ASIC2: variants seen among roughly 807,000 people sequenced by gnomAD.
ASIC2 encodes the protein acid-sensing ion channel 2.
A neutral mutation model predicts 57.3 loss-of-function variants in ASIC2; 25 were observed. The ratio of observed to expected loss-of-function variants is 0.44; its 90% confidence interval spans 0.32 to 0.61. ASIC2 has a LOEUF of 0.61. ASIC2 is among the 20% of genes least tolerant of loss of function. The pLI is 0.06. For synonymous variants in ASIC2, 319 were observed against 307.5 expected, an observed-to-expected ratio of 1.04 and a Z score of -0.39; for missense variants, 641 against 738.1, an observed-to-expected ratio of 0.87 and a Z score of 1.52.
chr17:33,320,386 G>C (rs930525013), intron 1 of ASIC2, among the ~76,000 whole-genome samples: 1 of 152,066 alleles, frequency 6.6e-6, no homozygotes, highest in Non-Finnish European at 1.5e-5. Flanking sequence ...GATAGCTCTT[G>C]GTGCCTCACT....
intron 1 of ASIC2, among the ~76,000 whole-genome samples, chr17:33,796,980 CA>C (rs1252479863): frequency 2.6e-5 from 4 of 152,066 alleles, no homozygotes; most frequent in South Asian, 2.1e-4. Flanking sequence ...AAGAACCATG[CA>C]GTAGGTGAGC....
intron 1 of ASIC2, among the ~76,000 whole-genome samples, chr17:33,370,653 G>T (rs1453691083): frequency 1.8e-4 from 27 of 152,232 alleles, no homozygotes; most frequent in Admixed American, 1.8e-3. Context: ...CAAATTCTTT[G>T]ATTAGCATTG....
chr17:33,250,018 G>A (rs1033568833), intron 1 of ASIC2, among the ~76,000 whole-genome samples: 1 of 152,156 alleles, frequency 6.6e-6, no homozygotes. Context: ...GGGAATCAGG[G>A]ATTCTTGGGG....
intron 1 of ASIC2, among the ~76,000 whole-genome samples, chr17:33,996,289 C>T (rs1906158806): frequency 6.6e-6 from 1 of 152,068 alleles, no homozygotes; most frequent in African/African-American, 2.4e-5. Context: ...TATTTTATCC[C>T]ATTCTGTAGG....
chr17:34,119,612 GACACACACACACAC>G (rs71369048), intron 1 of ASIC2, among the ~76,000 whole-genome samples: 1 of 147,946 alleles, frequency 6.8e-6, no homozygotes. Flanking sequence ...TCTCTACACA[GACACACACACACAC>G]ACACACACAC....
At chr17:33,424,664 A>G (rs1359839179) in intron 1 of ASIC2, among the ~76,000 whole-genome samples, 1 of 152,196 alleles carries the variant, frequency 6.6e-6, no homozygotes, top group Non-Finnish European at 1.5e-5. Flanking sequence ...AAGTTCTCGG[A>G]TCAACTTTCA....
chr17:33,453,510 C>T (rs749306540), intron 1 of ASIC2, among the ~76,000 whole-genome samples: 7 of 152,106 alleles, frequency 4.6e-5, no homozygotes, highest in Non-Finnish European at 1.0e-4. Flanking sequence ...GAAAAGAGGG[C>T]AGAGTGTGTA....
At chr17:33,165,398 T>C (rs970882738) in intron 1 of ASIC2, among the ~76,000 whole-genome samples, 1 of 152,190 alleles carries the variant, frequency 6.6e-6, no homozygotes, top group African/African-American at 2.4e-5. Flanking sequence ...AGCTGGGTAG[T>C]CACAGAATGG....
chr17:33,618,293 A>G (rs895478927), intron 1 of ASIC2, among the ~76,000 whole-genome samples: 11 of 151,810 alleles, frequency 7.2e-5, no homozygotes, highest in African/African-American at 1.5e-4. Context: ...GGCTCAAACT[A>G]TCCTCCTGCC....
At chr17:33,196,136 A>T (rs922127181) in intron 1 of ASIC2, among the ~76,000 whole-genome samples, 3 of 152,228 alleles carry the variant, frequency 2.0e-5, no homozygotes, top group African/African-American at 7.2e-5. Flanking sequence ...GAGCAGGTTG[A>T]GTAGCTCATT....
At chr17:33,066,684 C>T (rs17808461) in intron 3 of ASIC2, among the ~76,000 whole-genome samples, 32,168 of 152,124 alleles carry the variant, frequency 0.21, 3,616 homozygotes, top group Middle Eastern at 0.32. Flanking sequence ...TGTTAATCCA[C>T]TGTTGGTTCA....
At chr17:33,213,444 T>C (rs921764303) in intron 1 of ASIC2, among the ~76,000 whole-genome samples, 2 of 152,184 alleles carry the variant, frequency 1.3e-5, no homozygotes, top group African/African-American at 2.4e-5. Flanking sequence ...AGAGTTTTCA[T>C]GGGCCTGTTC....
At chr17:33,412,016 CAAACAAAACA>C (rs200144290) in intron 1 of ASIC2, among the ~76,000 whole-genome samples, 32 of 151,812 alleles carry the variant, frequency 2.1e-4, no homozygotes, top group East Asian at 1.2e-3. Flanking sequence ...AAGAAAAATG[CAAACAAAACA>C]AAACAAAACA....
At chr17:34,127,715 A>T (rs1452208515) in intron 1 of ASIC2, among the ~76,000 whole-genome samples, 1 of 152,128 alleles carries the variant, frequency 6.6e-6, no homozygotes, top group African/African-American at 2.4e-5. Context: ...TCCAGGGAGG[A>T]GTCCGATGCC....
At chr17:33,506,109 G>T (rs992422983) in intron 1 of ASIC2, among the ~76,000 whole-genome samples, 1 of 151,982 alleles carries the variant, frequency 6.6e-6, no homozygotes, top group Admixed American at 6.6e-5. Flanking sequence ...AATGAGGCTG[G>T]ACAGGCTGGG....
chr17:33,584,398 G>A (rs1386753406), intron 1 of ASIC2, among the ~76,000 whole-genome samples: 3 of 152,118 alleles, frequency 2.0e-5, no homozygotes, highest in African/African-American at 7.2e-5. Context: ...AATTATTCCA[G>A]TTTACCCCAG....
At chr17:33,991,701 A>T (rs1906004604) in intron 1 of ASIC2, among the ~76,000 whole-genome samples, 1 of 152,230 alleles carries the variant, frequency 6.6e-6, no homozygotes, top group African/African-American at 2.4e-5. Flanking sequence ...CTAAGGCAGG[A>T]GGCTCTGCTA....
chr17:33,177,869 C>T (rs1265693568), intron 1 of ASIC2, among the ~76,000 whole-genome samples: 2 of 152,160 alleles, frequency 1.3e-5, no homozygotes, highest in Non-Finnish European at 2.9e-5. Context: ...TCAAAGGGGG[C>T]TGGTCTAGTC....
At chr17:33,108,077 C>T (rs978380921) in intron 2 of ASIC2, among the ~76,000 whole-genome samples, 6 of 152,230 alleles carry the variant, frequency 3.9e-5, no homozygotes. Flanking sequence ...TTGAGCCCTT[C>T]AGCCCTCCTG....
Sources: gnomAD v4.1 joint callset for allele counts (sites outside exome capture counted in the v4.1 genomes callset) on GRCh38, gnomAD v4.1.1 for gene constraint, MANE v1.5 for transcripts, NCBI Gene and HGNC (gene_info 2026-07-23, HGNC 2026-07-21) for gene names.